CSMD1: variants seen among roughly 807,000 people sequenced by gnomAD.
CSMD1 encodes the protein CUB and sushi domain-containing protein 1.
A neutral mutation model predicts 417.5 loss-of-function variants in CSMD1; 213 were observed. That is an observed-to-expected ratio of 0.51 (90% CI 0.46 to 0.57). CSMD1 has a LOEUF of 0.57. CSMD1 is among the 20% of genes least tolerant of loss of function. CSMD1 has a pLI of 0.00. For missense variants in CSMD1, 6,923 were observed against 4,529.7 expected (o/e 1.53, Z -15.17); for synonymous variants, 2,862 against 1,736.8 (o/e 1.65, Z -16.11).
intron 7 of CSMD1, among the ~76,000 whole-genome samples, chr8:3,676,942 G>C (rs1218586491): frequency 6.6e-6 from 1 of 152,034 alleles, no homozygotes; most frequent in Non-Finnish European, 1.5e-5. Flanking sequence ...TCATAAGTGG[G>C]AGTTAAACAA....
intron 3 of CSMD1, among the ~76,000 whole-genome samples, chr8:4,318,900 A>C (rs1799098515): frequency 6.6e-6 from 1 of 152,186 alleles, no homozygotes; most frequent in Admixed American, 6.5e-5. Context: ...GTACTTTCTG[A>C]AACTTTAGTC....
intron 5 of CSMD1, among the ~76,000 whole-genome samples, chr8:3,867,858 T>G (rs1216221202): frequency 6.6e-6 from 1 of 152,072 alleles, no homozygotes; most frequent in Non-Finnish European, 1.5e-5. Flanking sequence ...TGAAGAAGCA[T>G]GGACCACTGG....
intron 12 of CSMD1, among the ~76,000 whole-genome samples, chr8:3,449,951 G>A (rs1215607352): frequency 6.6e-6 from 1 of 152,210 alleles, no homozygotes; most frequent in Non-Finnish European, 1.5e-5. Flanking sequence ...GACTCACACA[G>A]CTTGCCATAA....
At chr8:3,245,325 G>T (rs1280245634) in intron 26 of CSMD1, among the ~76,000 whole-genome samples, 1 of 152,134 alleles carries the variant, frequency 6.6e-6, no homozygotes, top group African/African-American at 2.4e-5. Context: ...GTCACTAGGA[G>T]CCTGTGTAAG....
chr8:4,754,512 C>T (rs1585046927), intron 1 of CSMD1, among the ~76,000 whole-genome samples: 1 of 151,820 alleles, frequency 6.6e-6, no homozygotes, highest in East Asian at 1.9e-4. Context: ...TAAATGCACT[C>T]CCAAAATTAG....
At chr8:3,699,492 G>C (rs1800729563) in intron 7 of CSMD1, among the ~76,000 whole-genome samples, 1 of 152,186 alleles carries the variant, frequency 6.6e-6, no homozygotes, top group Non-Finnish European at 1.5e-5. Context: ...AAGAGGACTT[G>C]GTGGCGCCTC....
chr8:3,169,486 A>T (rs898413495), intron 37 of CSMD1, among the ~76,000 whole-genome samples: 2 of 152,176 alleles, frequency 1.3e-5, no homozygotes, highest in African/African-American at 4.8e-5. Flanking sequence ...CATAGAAAAA[A>T]AAAAGGAAAT....
chr8:4,786,410 A>C (rs1484084611), intron 1 of CSMD1, among the ~76,000 whole-genome samples: 1 of 152,340 alleles, frequency 6.6e-6, no homozygotes. Flanking sequence ...TGAATAAATA[A>C]TCACTTCTAA....
intron 58 of CSMD1, 128 bp from the exon 59 acceptor site, chr8:2,966,082 C>A: frequency 1.4e-6 from 1 of 733,176 alleles, no homozygotes; most frequent in Non-Finnish European, 2.3e-6. Context: ...ATTAATACAG[C>A]AATACTACCC....
chr8:4,063,344 T>C (rs1438226606), intron 3 of CSMD1, among the ~76,000 whole-genome samples: 1 of 152,104 alleles, frequency 6.6e-6, no homozygotes, highest in Admixed American at 6.6e-5. Flanking sequence ...AAAAATTATG[T>C]TTAAAGAAAA....
chr8:3,771,033 C>A (rs200315452), intron 5 of CSMD1, among the ~76,000 whole-genome samples: 1 of 87,642 alleles, frequency 1.1e-5, no homozygotes, highest in Admixed American at 1.2e-4. Flanking sequence ...TGTGTGTCTG[C>A]GTGCGTGTGT....
chr8:3,721,209 T>C (rs11136656), intron 6 of CSMD1, among the ~76,000 whole-genome samples: 1 of 152,024 alleles, frequency 6.6e-6, no homozygotes, highest in Non-Finnish European at 1.5e-5. Context: ...TTCAAAGGAA[T>C]GCAATTTTAT....
At chr8:3,665,918 C>G (rs996551183) in intron 7 of CSMD1, among the ~76,000 whole-genome samples, 1 of 152,040 alleles carries the variant, frequency 6.6e-6, no homozygotes, top group East Asian at 1.9e-4. Context: ...CACTCTGTCA[C>G]CCAGGCTGGA....
At chr8:4,340,267 CT>C (rs1800400248) in intron 3 of CSMD1, among the ~76,000 whole-genome samples, 1 of 151,932 alleles carries the variant, frequency 6.6e-6, no homozygotes, top group East Asian at 1.9e-4. Context: ...AAGATTTGTC[CT>C]TTTTCCTTGA....
chr8:4,216,283 C>A (rs981002266), intron 3 of CSMD1, among the ~76,000 whole-genome samples: 3 of 152,110 alleles, frequency 2.0e-5, no homozygotes, highest in Admixed American at 1.3e-4. Flanking sequence ...GACCTTCTCC[C>A]TGTGGTTGCC....
chr8:4,892,417 G>A (rs1046896095), intron 1 of CSMD1, among the ~76,000 whole-genome samples: 2 of 151,974 alleles, frequency 1.3e-5, no homozygotes, highest in Non-Finnish European at 2.9e-5. Context: ...TGCGTCCTGT[G>A]TCCCTCTACT....
chr8:3,912,664 G>A (rs545783579), intron 5 of CSMD1, among the ~76,000 whole-genome samples: 1 of 152,254 alleles, frequency 6.6e-6, no homozygotes, highest in East Asian at 1.9e-4. Context: ...AAAAAGTGGA[G>A]CATGTTTGAT....
intron 21 of CSMD1, among the ~76,000 whole-genome samples, chr8:3,350,866 G>C (rs1470614758): frequency 6.6e-6 from 1 of 151,916 alleles, no homozygotes; most frequent in East Asian, 1.9e-4. Context: ...AAAAAAAGCA[G>C]ATATATAATA....
rs1202993647 is a variant in CSMD1, at chr8:3,795,063, T to TAC, written c.819-41022_819-41021insGT. Reference sequence around the variant, plus strand: ...CATATCTATCATGTATAGCTATAGATATATATCTATCATGTACAGCTATAG... The same window carrying TAC: ...CATATCTATCATGTATAGCTATAGATACATATATCTATCATGTACAGCTATAG... On this transcript the variant is annotated intron_variant, in intron 5 of 69. Coordinates refer to ENST00000635120, the MANE Select transcript of CSMD1 (RefSeq NM_033225.6). 7.0e-3 allele frequency among the ~76,000 whole-genome samples: 910 copies of TAC among 130,092 alleles called. 21 individuals are homozygous for TAC. The highest frequency in any genetic ancestry group is 0.016 in the Middle Eastern group (3 of 184). 85.3% of individuals were successfully genotyped at this position (130,092 alleles called of 152,430 possible).
Sources: allele counts gnomAD v4.1 joint callset (sites outside exome capture counted in the v4.1 genomes callset), GRCh38; gene constraint gnomAD v4.1.1; transcripts MANE v1.5; gene names NCBI Gene and HGNC (gene_info 2026-07-23, HGNC 2026-07-21).